TAFA1: variants seen among roughly 807,000 people sequenced by gnomAD.
TAFA1 encodes the protein chemokine-like protein TAFA-1.
A neutral mutation model predicts 18.5 loss-of-function variants in TAFA1; 4 were observed. The ratio of observed to expected loss-of-function variants is 0.22; its 90% CI spans 0.11 to 0.49. TAFA1 has a LOEUF of 0.49. Ranked by LOEUF, TAFA1 falls within the 20% of genes least tolerant of loss-of-function variation. The pLI is 0.98. For missense variants in TAFA1, 147 were observed against 169.0 expected, an observed-to-expected ratio of 0.87 and a Z score of 0.72; for synonymous variants, 56 against 55.2, an observed-to-expected ratio of 1.01 and a Z score of -0.06.
intron 2 of TAFA1, among the ~76,000 whole-genome samples, chr3:68,405,700 A>C (rs960268463): frequency 7.6e-3 from 202 of 26,512 alleles, no homozygotes; most frequent in Non-Finnish European, 0.012. Flanking sequence ...ACTCTATCTC[A>C]AAAAAAAAAA....
intron 2 of TAFA1, among the ~76,000 whole-genome samples, chr3:68,338,522 C>T (rs1015663930): frequency 2.0e-5 from 3 of 152,024 alleles, no homozygotes; most frequent in Non-Finnish European, 4.4e-5. Context: ...CTGTGTTGAA[C>T]CCTTTATAAT....
intron 2 of TAFA1, among the ~76,000 whole-genome samples, chr3:68,069,567 T>C (rs1471995625): frequency 1.3e-5 from 2 of 152,036 alleles, no homozygotes; most frequent in African/African-American, 4.8e-5. Flanking sequence ...TCCTCACATT[T>C]CAAAACCAGC....
intron 2 of TAFA1, among the ~76,000 whole-genome samples, chr3:68,361,170 A>G (rs944470554): frequency 3.9e-5 from 6 of 152,184 alleles, no homozygotes; most frequent in African/African-American, 1.4e-4. Flanking sequence ...CATTATAAAA[A>G]AGAATGAAAT....
intron 2 of TAFA1, among the ~76,000 whole-genome samples, chr3:68,304,820 C>T (rs1390099476): frequency 1.3e-5 from 2 of 151,982 alleles, no homozygotes; most frequent in Non-Finnish European, 2.9e-5. Context: ...AAATGTTGTC[C>T]AAGGAAGGTT....
chr3:68,252,978 G>T (rs949382454), intron 2 of TAFA1, among the ~76,000 whole-genome samples: 3 of 152,168 alleles, frequency 2.0e-5, no homozygotes, highest in African/African-American at 7.2e-5. Flanking sequence ...TGTCATGCAA[G>T]ATGTGTCTTT....
At chr3:68,164,009 T>C (rs570751985) in intron 2 of TAFA1, among the ~76,000 whole-genome samples, 123 of 152,338 alleles carry the variant, frequency 8.1e-4, no homozygotes, top group African/African-American at 2.8e-3. Context: ...TTCCCATTTG[T>C]GCAAAAACCC....
chr3:68,072,949 G>A (rs2064775265), intron 2 of TAFA1, among the ~76,000 whole-genome samples: 1 of 152,164 alleles, frequency 6.6e-6, no homozygotes, highest in African/African-American at 2.4e-5. Flanking sequence ...GCATTAATTA[G>A]TTTGTTAGAA....
chr3:68,054,460 C>G (rs2064509083), intron 2 of TAFA1, among the ~76,000 whole-genome samples: 1 of 152,214 alleles, frequency 6.6e-6, no homozygotes, highest in South Asian at 2.1e-4. Flanking sequence ...TTCTAGGCAA[C>G]ATAACTACAA....
intron 2 of TAFA1, among the ~76,000 whole-genome samples, chr3:68,084,600 C>A (rs936669446): frequency 2.0e-5 from 3 of 152,026 alleles, no homozygotes; most frequent in Admixed American, 6.6e-5. Flanking sequence ...GAGTTTGAGA[C>A]CAGCCTGGCT....
chr3:68,499,122 C>T (rs1483749759), intron 3 of TAFA1, among the ~76,000 whole-genome samples: 2 of 151,976 alleles, frequency 1.3e-5, no homozygotes, highest in African/African-American at 2.4e-5. Flanking sequence ...TTTAAAGCAG[C>T]CTAGGTATTA....
intron 2 of TAFA1, among the ~76,000 whole-genome samples, chr3:68,173,213 A>G (rs2066080478): frequency 6.6e-6 from 1 of 152,172 alleles, no homozygotes; most frequent in Admixed American, 6.5e-5. Flanking sequence ...GAAACATGAG[A>G]TACTGTTATT....
intron 2 of TAFA1, among the ~76,000 whole-genome samples, chr3:68,222,557 G>T (rs965419054): frequency 6.6e-6 from 1 of 152,090 alleles, no homozygotes; most frequent in East Asian, 1.9e-4. Context: ...AAGTTTATTT[G>T]TACAGGATCT....
intron 2 of TAFA1, among the ~76,000 whole-genome samples, chr3:68,215,476 G>A (rs1278713924): frequency 6.6e-6 from 1 of 152,004 alleles, no homozygotes; most frequent in Non-Finnish European, 1.5e-5. Context: ...AACACCTAAA[G>A]CATGACTCAT....
intron 2 of TAFA1, among the ~76,000 whole-genome samples, chr3:68,235,969 G>T (rs2066923286): frequency 6.6e-6 from 1 of 152,092 alleles, no homozygotes; most frequent in African/African-American, 2.4e-5. Context: ...CCACCAAGAG[G>T]TGCTCTAAAT....
chr3:68,433,779 G>A (rs1052097561), intron 3 of TAFA1, among the ~76,000 whole-genome samples: 4 of 152,106 alleles, frequency 2.6e-5, no homozygotes, highest in African/African-American at 9.6e-5. Context: ...AATTATATAA[G>A]AAATGCATGT....
chr3:68,156,426 T>A (rs951538385), intron 2 of TAFA1, among the ~76,000 whole-genome samples: 1 of 152,116 alleles, frequency 6.6e-6, no homozygotes, highest in Non-Finnish European at 1.5e-5. Flanking sequence ...GTTGTTTTAT[T>A]TTCTCCTGGG....
intron 2 of TAFA1, among the ~76,000 whole-genome samples, chr3:68,141,481 C>A (rs756074016): frequency 6.6e-6 from 1 of 152,206 alleles, no homozygotes; most frequent in Non-Finnish European, 1.5e-5. Flanking sequence ...GTCTAACTGA[C>A]TTCTGTCTCT....
At chr3:68,504,549 A>AT (rs1168352200) in intron 3 of TAFA1, among the ~76,000 whole-genome samples, 1 of 152,136 alleles carries the variant, frequency 6.6e-6, no homozygotes, top group Non-Finnish European at 1.5e-5. Flanking sequence ...CAGGCACACA[A>AT]TTGTAAGAGA....
In TAFA1 at chr3:68,181,491, A is replaced by G. The variant is rs571776477; in HGVS notation, c.118+174747A>G. On this transcript the variant is annotated intron_variant, in intron 2 of 4. Coordinates refer to ENST00000478136, the MANE Select transcript of TAFA1 (RefSeq NM_213609.4). ...CTGATGTTGGAGGTACTCAGTAACT[A>G]TGAAGTAAATTCAGGGTAACCAGTG... 4.3e-4 allele frequency among the ~76,000 whole-genome samples: 66 copies of G among 152,242 alleles called. 1 individual carries two copies. The highest frequency in any genetic ancestry group is 1.3e-3 in the African/African-American group (56 of 41,546).
Sources: allele counts gnomAD v4.1 joint callset (sites outside exome capture counted in the v4.1 genomes callset), GRCh38; gene constraint gnomAD v4.1.1; transcripts MANE v1.5; gene names NCBI Gene and HGNC (gene_info 2026-07-23, HGNC 2026-07-21).